The following CFAP20DC variants were observed in gnomAD, a reference collection of about 807,000 sequenced individuals.
The protein encoded by CFAP20DC is CFAP20 domain containing.
CFAP20DC carries 84 observed loss-of-function variants against 101.7 expected under a neutral mutation model. The observed-to-expected ratio is 0.83, with a 90% confidence interval of 0.69 to 0.99. The LOEUF (loss-of-function observed/expected upper bound fraction) is 0.99. CFAP20DC is among the 50% of genes least tolerant of loss of function. The pLI, the probability that CFAP20DC is intolerant of heterozygous loss-of-function variation, is 0.00. For synonymous variants in CFAP20DC, 359 were observed against 351.2 expected (o/e 1.02, Z -0.25); for missense variants, 1,007 against 970.3 (o/e 1.04, Z -0.50).
intron 11 of CFAP20DC, among the ~76,000 whole-genome samples, chr3:58,865,059 A>G (rs2079564899): frequency 6.6e-6 from 1 of 151,856 alleles, no homozygotes; most frequent in South Asian, 2.1e-4. Flanking sequence ...TGACAGTAGG[A>G]AAAAGGTGAG....
At chr3:58,893,279 C>T (rs113065486) in intron 6 of CFAP20DC, among the ~76,000 whole-genome samples, 11 of 152,042 alleles carry the variant, frequency 7.2e-5, no homozygotes, top group African/African-American at 2.2e-4. Context: ...CTCCTGACCT[C>T]GCAATCTGCC....
chr3:58,813,439 A>C (rs1466205031), intron 14 of CFAP20DC, among the ~76,000 whole-genome samples: 1 of 151,924 alleles, frequency 6.6e-6, no homozygotes, highest in Non-Finnish European at 1.5e-5. Flanking sequence ...AGAGTTTGCT[A>C]TACATGTTTA....
chr3:58,720,789 A>G (rs2067462436), intron 3 of CFAP20DC, among the ~76,000 whole-genome samples: 1 of 152,228 alleles, frequency 6.6e-6, no homozygotes, highest in African/African-American at 2.4e-5. Context: ...GTACAAGGCA[A>G]TATTAAACAG....
chr3:58,856,793 C>A (rs1168316820), intron 12 of CFAP20DC, among the ~76,000 whole-genome samples: 1 of 152,232 alleles, frequency 6.6e-6, no homozygotes, highest in East Asian at 1.9e-4. Flanking sequence ...ATTGGTAGAA[C>A]TAGCATAGAT....
intron 6 of CFAP20DC, among the ~76,000 whole-genome samples, chr3:58,900,635 G>A (rs965934741): frequency 6.6e-6 from 1 of 152,188 alleles, no homozygotes; most frequent in Non-Finnish European, 1.5e-5. Flanking sequence ...TGTAATGTTG[G>A]CTGGAATGGC....
In CFAP20DC at chr3:58,913,082, A is replaced by G. The variant is rs940319412; in HGVS notation, c.550+626T>C. ...CCACAGGACAGAAACAGCCACACCA[A>G]ACGTTTTCAGTGGAGACAAACATGA... On this transcript the variant is annotated intron_variant, in intron 6 of 16. Transcript: ENST00000482387. This position sits in a 1 kb window ranked among gnomAD's most constrained non-coding sequence, Gnocchi z 4.4. Among the ~76,000 whole-genome samples the G allele has an allele frequency of 6.6e-6, 1 of 152,164 alleles. No individual in the cohort carries two copies. The highest frequency in any genetic ancestry group is 1.5e-5 in the Non-Finnish European group (1 of 68,016).
In CFAP20DC at chr3:58,859,370, A is replaced by G. The variant is rs955960327; in HGVS notation, c.1593+4188T>C. Reference sequence around the variant, plus strand: ...TTTTCAAGGCAAAACATATTTTTCTATAAGTTAGACTTCATGTTCTTTTAA... The same window carrying G: ...TTTTCAAGGCAAAACATATTTTTCTGTAAGTTAGACTTCATGTTCTTTTAA... On this transcript the variant is annotated intron_variant, in intron 12 of 16. Coordinates refer to ENST00000482387, the MANE Select transcript of CFAP20DC (RefSeq NM_001394063.1). The surrounding 1 kb of genome is among the most constrained non-coding windows in gnomAD (Gnocchi z 4.1). 6.6e-5 allele frequency among the ~76,000 whole-genome samples: 10 copies of G among 152,204 alleles called. No homozygotes were observed. The highest frequency in any genetic ancestry group is 1.2e-4 in the Non-Finnish European group (8 of 68,024).
At chr3:59,005,258 G>C (rs1173914364) in intron 4 of CFAP20DC, among the ~76,000 whole-genome samples, 1 of 152,128 alleles carries the variant, frequency 6.6e-6, no homozygotes, top group Non-Finnish European at 1.5e-5. Flanking sequence ...ATGTGGAGCA[G>C]ACCTTACTCC....
chr3:58,849,064 C>A lies in CFAP20DC; in HGVS notation c.1939G>T (p.Gly647Trp), dbSNP rs2077990578. Reference protein sequence around the residue: ...LNKTSLKEISGERLSSIPEAS... With the variant: ...LNKTSLKEISWERLSSIPEAS... ...TCGGGGATCGAGCTCAGCCTTTCCC[C>A]TGAGATTTCTTTCAGGGAGGTTTTG... The change falls in exon 13 of 17, where the codon GGG becomes TGG. Residue 647 changes from glycine to tryptophan, a missense_variant. By Grantham distance (184) the Gly-to-Trp change is radical. Transcript: ENST00000482387. 1 of 1,535,920 alleles carries A rather than the reference C, an allele frequency of 6.5e-7. No individual in the cohort carries two copies. Among genetic ancestry groups the A allele is most frequent in the Non-Finnish European group, 8.7e-7 (1 of 1,146,836 alleles).
chr3:58,946,439 A>G (rs536202138), intron 4 of CFAP20DC, among the ~76,000 whole-genome samples: 1 of 152,100 alleles, frequency 6.6e-6, no homozygotes, highest in African/African-American at 2.4e-5. Flanking sequence ...CTCTCAGTCC[A>G]TTCTTCATGT....
intron 6 of CFAP20DC, among the ~76,000 whole-genome samples, chr3:58,908,266 A>G (rs1192229637): frequency 6.6e-6 from 1 of 152,014 alleles, no homozygotes; most frequent in Non-Finnish European, 1.5e-5. Flanking sequence ...TTATACTAAT[A>G]TTTTTTCACT....
chr3:58,781,330 A>G (rs984087716), intron 15 of CFAP20DC, among the ~76,000 whole-genome samples: 14 of 151,986 alleles, frequency 9.2e-5, no homozygotes, highest in African/African-American at 3.4e-4. Context: ...ACATCAAAAA[A>G]GTAGCAAATA....
chr3:58,822,241 C>G (rs1188781236), intron 14 of CFAP20DC, among the ~76,000 whole-genome samples: 1 of 149,724 alleles, frequency 6.7e-6, no homozygotes, highest in East Asian at 2.0e-4. Context: ...CACATGTATA[C>G]ATATGTAACT....
Position 58,867,845 on chromosome 3 carries a change from G to A in CFAP20DC, c.1107C>T (p.Thr369=). The A allele has an allele frequency of 3.1e-6, 5 of 1,613,488 alleles. No homozygotes were observed. The highest frequency in any genetic ancestry group is 4.2e-6 in the Non-Finnish European group (5 of 1,179,584). The change falls in exon 10 of 17, where the codon ACC becomes ACT. Residue 369 remains threonine (T), a synonymous_variant. Coordinates refer to ENST00000482387, the MANE Select transcript of CFAP20DC (RefSeq NM_001394063.1). Reference sequence around the variant, plus strand: ...TGGGTGTCTCTGTCCTTTCTCTGCTGGTACTTTTTAACCGTAATCTTCTTC... The same window carrying A: ...TGGGTGTCTCTGTCCTTTCTCTGCTAGTACTTTTTAACCGTAATCTTCTTC... ...NNRRRLRLKS[T]SRERTETPSG...
At chr3:58,810,343 A>C (rs867465133) in intron 14 of CFAP20DC, among the ~76,000 whole-genome samples, 4 of 152,090 alleles carry the variant, frequency 2.6e-5, no homozygotes, top group South Asian at 2.1e-4. Context: ...CATATCAAAA[A>C]GCTTATCCAC....
intron 4 of CFAP20DC, among the ~76,000 whole-genome samples, chr3:58,973,760 G>A (rs1204031502): frequency 6.6e-6 from 1 of 152,144 alleles, no homozygotes; most frequent in African/African-American, 2.4e-5. Flanking sequence ...GGATGGTTAG[G>A]CACCCCCAAA....
In CFAP20DC at chr3:58,791,749, CTGTT is replaced by C. The variant is rs563672685; in HGVS notation, c.2237+14642_2237+14645del. ...TTTATAACAGATCATTATAGGGACT[CTGTT>C]TGTCACAGTCATTAAGTGACTGGGT... On this transcript the variant is annotated intron_variant, in intron 15 of 16. Transcript: ENST00000482387. 5.8e-3 allele frequency among the ~76,000 whole-genome samples: 878 copies of C among 152,294 alleles called. 6 individuals are homozygous for C. The highest frequency in any genetic ancestry group is 7.9e-3 in the Non-Finnish European group (536 of 68,024).
At position 58,724,618 on chromosome 3, in the gene CFAP20DC, C is replaced by T. The variant is rs535813937; in HGVS notation, c.198-6990G>A. Among the ~76,000 whole-genome samples, 3 of 152,314 alleles carry T rather than the reference C, an allele frequency of 2.0e-5. No homozygotes were observed. In the South Asian group the frequency reaches 6.2e-4, roughly 32 times the overall value. On this transcript the variant is annotated intron_variant, in intron 3 of 3. Coordinates refer to the CFAP20DC transcript ENST00000486145. The surrounding 1 kb of genome is among the most constrained non-coding windows in gnomAD (Gnocchi z 5.6). Reference sequence around the variant, plus strand: ...GATTACGCCTATGACGCACTGCCACCCTTTCACTGTTTCGCCCGGAACATC... The same window carrying T: ...GATTACGCCTATGACGCACTGCCACTCTTTCACTGTTTCGCCCGGAACATC...
In CFAP20DC at chr3:58,721,384, T is replaced by C. The variant is rs545557800; in HGVS notation, c.198-3756A>G. Among the ~76,000 whole-genome samples, 1 of 151,834 alleles carries C rather than the reference T, an allele frequency of 6.6e-6. No individual in the cohort carries two copies. Among genetic ancestry groups the C allele is most frequent in the South Asian group, 2.1e-4 (1 of 4,774 alleles). On this transcript the variant is annotated intron_variant, in intron 3 of 3. Transcript: ENST00000486145. The surrounding 1 kb of genome is among the most constrained non-coding windows in gnomAD (Gnocchi z 5.2). ...TATAGTCAGAATGAAGAGATAGACA[T>C]TTTTTAAAAATTACAACCATGATAG...
Sources: gnomAD v4.1 joint callset for allele counts (sites outside exome capture counted in the v4.1 genomes callset) on GRCh38, gnomAD v4.1.1 for gene constraint, Gnocchi (gnomAD v3.1) non-coding constraint, MANE v1.5 for transcripts, NCBI Gene and HGNC (gene_info 2026-07-23, HGNC 2026-07-21) for gene names.